Variants in SLIT2 observed in about 807,000 individuals in gnomAD.
SLIT2 encodes the protein slit guidance ligand 2.
A neutral mutation model predicts 185.7 loss-of-function variants in SLIT2; 41 were observed. The ratio of observed to expected loss-of-function variants is 0.22; its 90% CI spans 0.17 to 0.29. The LOEUF (loss-of-function observed/expected upper bound fraction) is 0.29. SLIT2 is among the 10% of genes least tolerant of loss of function. The pLI is 1.00. For synonymous variants in SLIT2, 693 were observed against 680.2 expected, an observed-to-expected ratio of 1.02 and a Z score of -0.29; for missense variants, 1,571 against 1,909.0, an observed-to-expected ratio of 0.82 and a Z score of 3.30.
chr4:20,507,339 A>G (rs911788362), intron 9 of SLIT2, among the ~76,000 whole-genome samples: 3 of 151,964 alleles, frequency 2.0e-5, no homozygotes, highest in African/African-American at 4.8e-5. Flanking sequence ...AGTGATCATT[A>G]CGAGTATTCT....
chr4:20,561,683 G>A (rs571774690), intron 26 of SLIT2, among the ~76,000 whole-genome samples: 6 of 151,658 alleles, frequency 4.0e-5, no homozygotes, highest in South Asian at 2.1e-4. Flanking sequence ...TTCAGATTTA[G>A]TATTACTAGT....
intron 4 of SLIT2, among the ~76,000 whole-genome samples, chr4:20,270,174 A>G (rs1018403534): frequency 1.3e-5 from 2 of 151,988 alleles, no homozygotes; most frequent in Non-Finnish European, 2.9e-5. Context: ...GATTATAGGT[A>G]TGCATATCAG....
intron 4 of SLIT2, among the ~76,000 whole-genome samples, chr4:20,402,570 G>C (rs1726445532): frequency 6.6e-6 from 1 of 151,796 alleles, no homozygotes; most frequent in Non-Finnish European, 1.5e-5. Context: ...GTATTATTGT[G>C]ATAAGGGAGA....
chr4:20,435,405 T>C (rs978756834), intron 4 of SLIT2, among the ~76,000 whole-genome samples: 3 of 152,174 alleles, frequency 2.0e-5, no homozygotes, highest in Admixed American at 2.0e-4. Flanking sequence ...GACAGTACAA[T>C]TTAATAATAA....
At chr4:20,533,236 C>A (rs926065488) in intron 17 of SLIT2, among the ~76,000 whole-genome samples, 48 of 152,320 alleles carry the variant, frequency 3.2e-4, no homozygotes, top group African/African-American at 1.1e-3. Flanking sequence ...CAATTTTAAT[C>A]AGGGACTTTT....
intron 4 of SLIT2, among the ~76,000 whole-genome samples, chr4:20,411,236 G>C (rs1013432746): frequency 2.0e-5 from 3 of 152,100 alleles, no homozygotes. Context: ...ACAGCTTGTC[G>C]AGGCACCACA....
chr4:20,425,324 T>C (rs1728468786), intron 4 of SLIT2, among the ~76,000 whole-genome samples: 1 of 152,140 alleles, frequency 6.6e-6, no homozygotes. Flanking sequence ...AAAAAACTCA[T>C]TGTCCACATT....
At chr4:20,450,531 C>T (rs975014777) in intron 4 of SLIT2, among the ~76,000 whole-genome samples, 59 of 152,186 alleles carry the variant, frequency 3.9e-4, no homozygotes, top group Non-Finnish European at 6.0e-4. Context: ...ACATGACTCA[C>T]TCCAGATGGA....
intron 18 of SLIT2, among the ~76,000 whole-genome samples, chr4:20,535,086 G>A (rs1225509228): frequency 6.6e-6 from 1 of 152,030 alleles, no homozygotes; most frequent in Non-Finnish European, 1.5e-5. Context: ...AGATCACGAG[G>A]TCAGGAGTTC....
At chr4:20,518,852 C>T (rs891235827) in intron 11 of SLIT2, among the ~76,000 whole-genome samples, 9 of 137,130 alleles carry the variant, frequency 6.6e-5, no homozygotes, top group Non-Finnish European at 9.6e-5. Context: ...GTGATCCGCC[C>T]GCCTCGGCCT....
intron 5 of SLIT2, among the ~76,000 whole-genome samples, chr4:20,472,248 A>ATATATATCTATATATAGATCTATATC (rs1450139711): frequency 3.4e-4 from 13 of 38,730 alleles, no homozygotes; most frequent in South Asian, 2.4e-3. Flanking sequence ...CTATATATCT[A>ATATATATCTATATATAGATCTATATC]TATATAGATC....
intron 4 of SLIT2, among the ~76,000 whole-genome samples, chr4:20,338,966 G>A (rs1720737608): frequency 6.6e-6 from 1 of 151,476 alleles, no homozygotes; most frequent in African/African-American, 2.4e-5. Flanking sequence ...GGTGGCGTGT[G>A]CCTGTAGTCC....
At chr4:20,291,486 ATATATATTTTTTTTTTTTTTT>A (rs1317074806) in intron 4 of SLIT2, among the ~76,000 whole-genome samples, 1 of 10,296 alleles carries the variant, frequency 9.7e-5, no homozygotes, top group Non-Finnish European at 1.6e-4. Context: ...ATATATATAT[ATATATATTTTTTTTTTTTTTT>A]TTTTTTTTTT....
At chr4:20,534,768 G>C (rs529609634) in intron 18 of SLIT2, among the ~76,000 whole-genome samples, 1 of 152,194 alleles carries the variant, frequency 6.6e-6, no homozygotes, top group Admixed American at 6.5e-5. Flanking sequence ...TATCAGATAC[G>C]GAGGGAGAAG....
intron 34 of SLIT2, among the ~76,000 whole-genome samples, chr4:20,614,708 C>CG: frequency 6.8e-6 from 1 of 146,860 alleles, no homozygotes; most frequent in Middle Eastern, 3.6e-3. Flanking sequence ...ACCCAGGAGG[C>CG]GGGGGTTGCA....
chr4:20,598,473 T>G, intron 33 of SLIT2, 78 bp downstream of exon 33: 43 of 1,528,874 alleles, frequency 2.8e-5, no homozygotes, highest in Non-Finnish European at 3.6e-5. Context: ...CATTTTATTA[T>G]GGAGAGGAGA....
At chr4:20,545,448 A>T (rs893044243) in intron 21 of SLIT2, among the ~76,000 whole-genome samples, 1 of 135,752 alleles carries the variant, frequency 7.4e-6, no homozygotes, top group Non-Finnish European at 1.5e-5. Flanking sequence ...TTATTTGATT[A>T]TTGCTGTTAC....
intron 5 of SLIT2, among the ~76,000 whole-genome samples, chr4:20,479,802 G>A (rs1266896919): frequency 1.3e-5 from 2 of 152,094 alleles, no homozygotes. Flanking sequence ...TAACAAATAA[G>A]TGCTTAAGAT....
rs1726242989 is a variant in SLIT2, at chr4:20,578,348, TCCC to T, written c.3088+9345_3088+9347del. The stretch of plus-strand genomic sequence containing the variant: ...TATTAGGTTGCTTATTTTGATATCT[TCCC>T]TTGCTGAGTTAATTCAAAGAGAATA... On this transcript the variant is annotated intron_variant, in intron 29 of 36. Coordinates refer to ENST00000504154, the MANE Select transcript of SLIT2 (RefSeq NM_004787.4). Among the ~76,000 whole-genome samples the T allele has an allele frequency of 2.0e-5, 3 of 152,140 alleles. No homozygotes were observed. In the South Asian group the frequency reaches 6.2e-4, roughly 32 times the overall value.
Sources: gnomAD v4.1 joint callset for allele counts (sites outside exome capture counted in the v4.1 genomes callset) on GRCh38, gnomAD v4.1.1 for gene constraint, MANE v1.5 for transcripts, NCBI Gene and HGNC (gene_info 2026-07-23, HGNC 2026-07-21) for gene names.